The following MAP3K21 variants were observed in gnomAD, a reference collection of about 807,000 sequenced individuals.
The protein encoded by MAP3K21 is mitogen-activated protein kinase kinase kinase 21, also known as mitogen-activated protein kinase kinase kinase MLK4.
Under a neutral mutation model 86.1 loss-of-function variants are expected in MAP3K21, and 63 were observed. The observed-to-expected ratio is 0.73, with a 90% confidence interval of 0.60 to 0.90. The LOEUF (loss-of-function observed/expected upper bound fraction) is 0.90. Ranked by LOEUF, MAP3K21 falls within the 40% of genes least tolerant of loss-of-function variation. The pLI is 0.00. For synonymous variants in MAP3K21, 558 were observed against 564.8 expected (o/e 0.99, Z 0.17); for missense variants, 1,220 against 1,367.7 (o/e 0.89, Z 1.70).
intron 2 of MAP3K21, among the ~76,000 whole-genome samples, chr1:233,351,274 T>A (rs1663248213): frequency 6.6e-6 from 1 of 152,224 alleles, no homozygotes; most frequent in Non-Finnish European, 1.5e-5. Flanking sequence ...AGTTACAGCA[T>A]TGTATAATTT....
At chr1:233,363,695 T>G (rs1419969553) in intron 5 of MAP3K21, among the ~76,000 whole-genome samples, 4 of 93,622 alleles carry the variant, frequency 4.3e-5, no homozygotes. Flanking sequence ...AGAGCGAAAC[T>G]CTGTCTCAAA....
chr1:233,341,537 C>A (rs1482236570), intron 1 of MAP3K21, among the ~76,000 whole-genome samples: 1 of 152,088 alleles, frequency 6.6e-6, no homozygotes, highest in Non-Finnish European at 1.5e-5. Flanking sequence ...AAACTCTGGA[C>A]CTGGGGAATG....
chr1:233,353,155 C>T (rs930291108), intron 2 of MAP3K21, among the ~76,000 whole-genome samples: 1 of 144,756 alleles, frequency 6.9e-6, no homozygotes. Flanking sequence ...ATTTTTTATT[C>T]CCATTTCACC....
Position 233,346,530 on chromosome 1 carries a change from G to A in MAP3K21, c.894G>A (p.Arg298=), listed in dbSNP as rs1179816924. 1 of 1,613,896 alleles carries A rather than the reference G, an allele frequency of 6.2e-7. No individual in the cohort carries two copies. Among genetic ancestry groups the A allele is most frequent in the Admixed American group, 1.7e-5 (1 of 60,002 alleles). ...TDFGLAREWH[R]TTKMSTAGTY... ...TTGGGTTGGCGAGGGAATGGCACAG[G>A]ACCACCAAAATGAGCACAGCAGGCA... The change falls in exon 2 of 10, where the codon AGG becomes AGA. Residue 298 remains arginine (R), a synonymous_variant. Transcript: ENST00000366624.
chr1:233,367,687 C>T (rs972275915), intron 5 of MAP3K21, among the ~76,000 whole-genome samples: 1 of 151,976 alleles, frequency 6.6e-6, no homozygotes, highest in African/African-American at 2.4e-5. Flanking sequence ...TGGAGAAACC[C>T]CATCTCTATT....
chr1:233,354,705 G>A, intron 3 of MAP3K21, 131 bp from the exon 4 acceptor site: 2 of 733,934 alleles, frequency 2.7e-6, no homozygotes, highest in South Asian at 3.4e-5. Flanking sequence ...TTCAGGAGCA[G>A]ATACTATAAA....
intron 4 of MAP3K21, 34 bp from the exon 5 acceptor site, chr1:233,362,019 G>A (rs1015738419): frequency 5.0e-6 from 8 of 1,601,742 alleles, no homozygotes; most frequent in Non-Finnish European, 6.8e-6. Context: ...TTCCTGCTGG[G>A]AATGATTCCG....
At chr1:233,372,448 A>G (rs953800927) in intron 6 of MAP3K21, 1 of 398,220 alleles carries the variant, frequency 2.5e-6, no homozygotes, top group Non-Finnish European at 4.4e-6. Flanking sequence ...AAACACTTGC[A>G]CGCAACGTTA....
chr1:233,379,285 G>A lies in MAP3K21; in HGVS notation c.2279G>A (p.Arg760Gln), dbSNP rs565964163. 1.7e-5 allele frequency: 27 copies of A among 1,614,204 alleles called. No homozygotes were observed. The highest frequency in any genetic ancestry group is 1.4e-4 in the South Asian group (13 of 91,068). Residue 760 changes from arginine to glutamine, a missense_variant, in exon 9 of 10, where the codon CGA becomes CAA. Physicochemically the swap from Arg to Gln is conservative, Grantham distance 43. Around this residue, in one of 5 missense-constraint regions of MAP3K21, gnomAD observed 632 missense variants for 691.3 expected, o/e 0.91. Coordinates refer to ENST00000366624, the MANE Select transcript of MAP3K21 (RefSeq NM_032435.3). ...EPLPKEEKKK[R>Q]EGIFQRASKS... ...TTGCCCAAGGAAGAGAAGAAGAAAC[G>A]AGAGGGAATCTTCCAGCGGGCTTCC...
intron 5 of MAP3K21, among the ~76,000 whole-genome samples, chr1:233,364,047 T>C (rs1461693819): frequency 6.6e-6 from 1 of 151,972 alleles, no homozygotes; most frequent in African/African-American, 2.4e-5. Flanking sequence ...AGAAAAGTGC[T>C]AGTATGAGGT....
chr1:233,364,250 A>G (rs1164616594), intron 5 of MAP3K21, among the ~76,000 whole-genome samples: 2 of 151,694 alleles, frequency 1.3e-5, no homozygotes, highest in East Asian at 3.9e-4. Context: ...GGTCTGTCTT[A>G]CGTGTCAGTC....
At position 233,350,977 on chromosome 1, in the gene MAP3K21, A is replaced by T. The variant is rs562103771; in HGVS notation, c.987-2830A>T. On this transcript the variant is annotated intron_variant, in intron 2 of 9. Transcript: ENST00000366624. ...AAGCCCTCCTCTCTCTGGAAAGATG[A>T]TCCATCCTAGATTATTCATTTCCTG... Among the ~76,000 whole-genome samples the T allele has an allele frequency of 1.9e-3, 295 of 152,304 alleles. No individual in the cohort carries two copies. In the Middle Eastern group the frequency reaches 0.031, roughly 16 times the overall value.
intron 1 of MAP3K21, among the ~76,000 whole-genome samples, chr1:233,339,356 T>TCTC (rs1212522305): frequency 0.27 from 16,991 of 62,924 alleles, 3,602 homozygotes; most frequent in East Asian, 0.49. Flanking sequence ...TTCTCCCTCT[T>TCTC]CTCCTTCTCC....
At chr1:233,348,941 C>T (rs10797448) in intron 2 of MAP3K21, among the ~76,000 whole-genome samples, 71,866 of 152,014 alleles carry the variant, frequency 0.47, 17,767 homozygotes, top group Admixed American at 0.58. Flanking sequence ...AAATTCACAG[C>T]TGAAGTCAGT....
chr1:233,379,545 C>T lies in MAP3K21; in HGVS notation c.2539C>T (p.Arg847Cys), dbSNP rs778222765. The T allele has an allele frequency of 1.2e-6, 2 of 1,614,168 alleles. No homozygotes were observed. Among genetic ancestry groups the T allele is most frequent in the South Asian group, 1.1e-5 (1 of 91,062 alleles). Residue 847 changes from arginine to cysteine, a missense_variant, in exon 9 of 10, where the codon CGT becomes TGT. This residue lies in a region of MAP3K21 where 632 missense variants were observed against 691.3 expected (regional missense o/e 0.91). Transcript: ENST00000366624. ...TTGTCCCACTGCCCCAGGAAGTGGT[C>T]GTGAGCCAGCCCTCATGCCAAGACT... is the stretch of plus-strand genomic sequence containing the variant. Reference protein sequence around the residue: ...DFCPTAPGSGREPALMPRLDT... With the variant: ...DFCPTAPGSGCEPALMPRLDT...
intron 9 of MAP3K21, 97 bp downstream of exon 9, chr1:233,379,807 A>C: frequency 2.1e-6 from 2 of 937,852 alleles, no homozygotes; most frequent in South Asian, 1.7e-5. Flanking sequence ...CCTGGTGATG[A>C]CATTTAATAA....
chr1:233,359,591 T>G (rs1663428837), intron 4 of MAP3K21, among the ~76,000 whole-genome samples: 1 of 152,180 alleles, frequency 6.6e-6, no homozygotes, highest in Non-Finnish European at 1.5e-5. Context: ...CCGTAGATAC[T>G]GGGTCCTCCC....
In MAP3K21 at chr1:233,346,725, T is replaced by G. The variant is rs935407636; in HGVS notation, c.986+103T>G. On this transcript the variant is annotated intron_variant, in intron 2 of 9. Coordinates refer to ENST00000366624, the MANE Select transcript of MAP3K21 (RefSeq NM_032435.3). ...ATTCTCAGCATAAATAGTCGAGGCC[T>G]TTTTGAATGAATTTTTATGGTTTTG... The G allele has an allele frequency of 3.1e-6, 3 of 959,626 alleles. No individual in the cohort carries two copies. The Middle Eastern group carries it at 6.5e-4, about 206-fold the overall frequency. The allele number at this position is 959,626 out of a possible 1,614,324, so 59.4% of individuals were successfully genotyped here.
chr1:233,348,232 G>A (rs1401210511), intron 2 of MAP3K21, among the ~76,000 whole-genome samples: 1 of 152,112 alleles, frequency 6.6e-6, no homozygotes, highest in Non-Finnish European at 1.5e-5. Context: ...TTATGTCAGT[G>A]GAATCTTAGA....
Sources: allele counts gnomAD v4.1 joint callset (sites outside exome capture counted in the v4.1 genomes callset), GRCh38; gene constraint gnomAD v4.1.1; regional missense constraint gnomAD v4.1.1; transcripts MANE v1.5; gene names NCBI Gene and HGNC (gene_info 2026-07-23, HGNC 2026-07-21).